Variants in MTNR1B observed in about 807,000 individuals in gnomAD.
MTNR1B encodes the protein melatonin receptor type 1B.
Under a neutral mutation model 7.0 loss-of-function variants are expected in MTNR1B, and 7 were observed. That is an observed-to-expected ratio of 1.00 (90% CI 0.57 to 1.88). MTNR1B has a LOEUF of 1.88. Ranked by LOEUF, MTNR1B falls within the 40% of genes most tolerant of loss-of-function variation. The pLI, the probability that MTNR1B is intolerant of heterozygous loss-of-function variation, is 0.00. For missense variants in MTNR1B, 478 were observed against 486.5 expected (o/e 0.98, Z 0.16); for synonymous variants, 226 against 208.2 (o/e 1.09, Z -0.74).
In MTNR1B at chr11:92,969,787, G is replaced by T; in HGVS notation, c.62G>T (p.Gly21Val). 1 of 1,547,686 alleles carries T rather than the reference G, an allele frequency of 6.5e-7. No individual in the cohort carries two copies. The highest frequency in any genetic ancestry group is 8.7e-7 in the Non-Finnish European group (1 of 1,146,534). ...GCGGGCGGGTGGGCAGTGCGCCCGG[G>T]CTGGTCGGGGGCTGGCAGCGCGCGG... ...CEAGGWAVRP[G>V]WSGAGSARPS... The change falls in exon 1 of 2, where the codon GGC becomes GTC. Residue 21 changes from glycine (G) to valine (V), a missense_variant. By Grantham distance (109) the Gly-to-Val change is moderately radical. Coordinates refer to ENST00000257068, the MANE Select transcript of MTNR1B (RefSeq NM_005959.5).
intron 1 of MTNR1B, among the ~76,000 whole-genome samples, chr11:92,970,245 G>A (rs1012612122): frequency 2.0e-5 from 3 of 152,196 alleles, no homozygotes; most frequent in East Asian, 1.9e-4. Context: ...GGATGCCATC[G>A]CTACCCCGTC....
At position 92,981,465 on chromosome 11, in the gene MTNR1B, G is replaced by A. The variant is rs1565180839; in HGVS notation, c.242G>A (p.Ser81Asn). 2 of 1,613,480 alleles carry A rather than the reference G, an allele frequency of 1.2e-6. No individual in the cohort carries two copies. The highest frequency in any genetic ancestry group is 1.1e-5 in the South Asian group (1 of 91,076). The change falls in exon 2 of 2, where the codon AGT (serine) becomes AAT (asparagine). Residue 81 changes from serine (S) to asparagine (N), a missense_variant. Transcript: ENST00000257068. ...LRNAGNLFLV[S>N]LALADLVVAF... The stretch of plus-strand genomic sequence containing the variant: ...GCTTCAGGTAATTTGTTCTTGGTGA[G>A]TCTGGCATTGGCTGACCTGGTGGTG...
chr11:92,984,763 G>C (rs532238376), downstream of MTNR1B: 8 of 414,604 alleles, frequency 1.9e-5, no homozygotes, highest in Non-Finnish European at 3.8e-5. Context: ...GCCAGGGTTC[G>C]GCACTGACAA....
At position 92,982,005 on chromosome 11, in the gene MTNR1B, C is replaced by T; in HGVS notation, c.782C>T (p.Ala261Val). The T allele has an allele frequency of 6.2e-7, 1 of 1,614,222 alleles. No individual in the cohort carries two copies. Among genetic ancestry groups the T allele is most frequent in the Non-Finnish European group, 8.5e-7 (1 of 1,180,038 alleles). ...ATGTTTGTGGTGTTTGTGATCTTTG[C>T]CATCTGCTGGGCTCCACTTAACTGC... ...LTMFVVFVIF[A>V]ICWAPLNCIG... The change falls in exon 2 of 2, where the codon GCC (alanine) becomes GTC (valine). Residue 261 changes from alanine to valine, a missense_variant. Coordinates refer to ENST00000257068, the MANE Select transcript of MTNR1B (RefSeq NM_005959.5).
At chr11:92,980,531 C>T (rs1435219381) in intron 1 of MTNR1B, among the ~76,000 whole-genome samples, 1 of 152,196 alleles carries the variant, frequency 6.6e-6, no homozygotes, top group East Asian at 1.9e-4. Context: ...TGCCTCTGCC[C>T]TGGGACTCCA....
chr11:92,979,112 C>G (rs1467983678), intron 1 of MTNR1B, among the ~76,000 whole-genome samples: 5 of 152,232 alleles, frequency 3.3e-5, no homozygotes. Context: ...TAGGAATAGT[C>G]ACCAAGAAAG....
At chr11:92,973,874 G>A (rs1032980772) in intron 1 of MTNR1B, among the ~76,000 whole-genome samples, 2 of 152,208 alleles carry the variant, frequency 1.3e-5, no homozygotes, top group African/African-American at 4.8e-5. Context: ...CCAGGTAGTG[G>A]GGGAAAATTA....
rs1858043955 is a variant in MTNR1B at position 92,978,340 on chromosome 11, C to T, written c.224-3107C>T. 2.0e-5 allele frequency among the ~76,000 whole-genome samples: 3 copies of T among 152,196 alleles called. No homozygotes were observed. The East Asian group carries it at 5.8e-4, about 29-fold the overall frequency. The stretch of plus-strand genomic sequence containing the variant: ...ATGGTTGTGTGTGTGAAAGGATGCG[C>T]TCTGCGTATGAATCCTGAAGGGGAT... On this transcript the variant is annotated intron_variant, in intron 1 of 1. Transcript: ENST00000257068.
intron 1 of MTNR1B, 39 bp from the exon 2 acceptor site, chr11:92,981,407 TG>T: frequency 6.3e-7 from 1 of 1,580,126 alleles, no homozygotes; most frequent in Non-Finnish European, 8.6e-7. Context: ...ATCTAAGTCG[TG>T]GGGTCTCGTG....
chr11:92,977,914 T>C (rs1303644205), intron 1 of MTNR1B, among the ~76,000 whole-genome samples: 2 of 152,248 alleles, frequency 1.3e-5, no homozygotes, highest in East Asian at 3.8e-4. Context: ...CATATCCCTC[T>C]TGGCACCTTG....
Position 92,981,852 on chromosome 11 carries a change from T to C in MTNR1B, c.629T>C (p.Leu210Pro). 6.2e-7 allele frequency: 1 copy of C among 1,614,204 alleles called. No homozygotes were observed. The highest frequency in any genetic ancestry group is 8.5e-7 in the Non-Finnish European group (1 of 1,180,032). Residue 210 changes from leucine to proline, a missense_variant, in exon 2 of 2, where the codon CTC becomes CCC. By Grantham distance (98) the Leu-to-Pro change is moderately conservative. Coordinates refer to ENST00000257068, the MANE Select transcript of MTNR1B (RefSeq NM_005959.5). ...GCGGCAGTGGTGGTCATCCACTTCC[T>C]CCTCCCTATCGCTGTCGTGTCCTTC... ...YTAAVVVIHF[L>P]LPIAVVSFCY... is the part of the protein sequence containing the mutation.
chr11:92,981,722 C>T lies in MTNR1B; in HGVS notation c.499C>T (p.Leu167Phe), dbSNP rs747930495. ...TCTGCACATCTGCCTCATCTGGCTC[C>T]TCACCGTGGTGGCCTTGCTGCCCAA... ...TPLHICLIWL[L>F]TVVALLPNFF... The change falls in exon 2 of 2, where the codon CTC becomes TTC. Residue 167 changes from leucine (L) to phenylalanine (F), a missense_variant. By Grantham distance (22) the Leu-to-Phe change is conservative. Coordinates refer to ENST00000257068, the MANE Select transcript of MTNR1B (RefSeq NM_005959.5). The T allele has an allele frequency of 6.2e-7, 1 of 1,614,250 alleles. No individual in the cohort carries two copies. The highest frequency in any genetic ancestry group is 1.1e-5 in the South Asian group (1 of 91,076).
intron 1 of MTNR1B, among the ~76,000 whole-genome samples, chr11:92,970,961 A>G (rs1302647920): frequency 1.3e-5 from 2 of 151,970 alleles, no homozygotes; most frequent in East Asian, 3.9e-4. Flanking sequence ...GTGACTCTAG[A>G]AATTTTTTTT....
At position 92,982,315 on chromosome 11, in the gene MTNR1B, T is replaced by G. The variant is rs1449066062; in HGVS notation, c.*3T>G. On this transcript the variant is annotated 3_prime_UTR_variant, in exon 2 of 2. Transcript: ENST00000257068. The stretch of plus-strand genomic sequence containing the variant: ...AGCACCAGGCAGATGCTCTCTAGCC[T>G]GGATCTGAGGCACACCAGCAGCATG... The G allele has an allele frequency of 6.2e-7, 1 of 1,606,746 alleles. No homozygotes were observed. The highest frequency in any genetic ancestry group is 2.2e-5 in the East Asian group (1 of 44,826).
intron 1 of MTNR1B, among the ~76,000 whole-genome samples, chr11:92,972,865 C>G (rs1857954493): frequency 6.6e-6 from 1 of 152,322 alleles, no homozygotes; most frequent in South Asian, 2.1e-4. Flanking sequence ...ACACGATACA[C>G]AAAGTCTCCT....
intron 1 of MTNR1B, among the ~76,000 whole-genome samples, 156 bp from the exon 2 acceptor site, chr11:92,981,291 G>C (rs1337719360): frequency 3.9e-5 from 6 of 152,214 alleles, no homozygotes; most frequent in Non-Finnish European, 8.8e-5. Flanking sequence ...TAGCTAGTGA[G>C]TGGCAGAAAT....
chr11:92,970,011 C>A, intron 1 of MTNR1B, 63 bp downstream of exon 1: 2 of 1,440,352 alleles, frequency 1.4e-6, no homozygotes, highest in South Asian at 1.5e-5. Context: ...TGATCTTGTC[C>A]CTGACCCCGG....
downstream of MTNR1B, chr11:92,984,915 G>C (rs927005475): frequency 4.4e-6 from 2 of 456,116 alleles, no homozygotes; most frequent in African/African-American, 4.0e-5. Flanking sequence ...TGTGGGCCCT[G>C]ATTGTAAATA....
intron 1 of MTNR1B, among the ~76,000 whole-genome samples, chr11:92,974,626 CAG>C (rs369619115): frequency 4.8e-4 from 71 of 149,182 alleles, no homozygotes; most frequent in African/African-American, 1.2e-4. Flanking sequence ...TTTTCTGAGA[CAG>C]AGTCTTGCTG....
Sources: gnomAD v4.1 joint callset for allele counts (sites outside exome capture counted in the v4.1 genomes callset) on GRCh38, gnomAD v4.1.1 for gene constraint, MANE v1.5 for transcripts, NCBI Gene and HGNC (gene_info 2026-07-23, HGNC 2026-07-21) for gene names.